PCDHA12: variants seen among roughly 807,000 people sequenced by gnomAD.
The protein encoded by PCDHA12 is protocadherin alpha-12.
In PCDHA12, 44 loss-of-function variants were observed where a neutral mutation model predicts 60.0. The ratio of observed to expected loss-of-function variants is 0.73; its 90% confidence interval spans 0.58 to 0.94. The LOEUF (loss-of-function observed/expected upper bound fraction) is 0.94. PCDHA12 is among the 40% of genes least tolerant of loss of function. The pLI, the probability that PCDHA12 is intolerant of heterozygous loss-of-function variation, is 0.00. For missense variants in PCDHA12, 1,276 were observed against 1,239.7 expected (o/e 1.03, Z -0.44); for synonymous variants, 569 against 553.0 (o/e 1.03, Z -0.40).
intron 1 of PCDHA12, among the ~76,000 whole-genome samples, chr5:140,955,283 A>G (rs1255959484): frequency 6.6e-6 from 1 of 151,774 alleles, no homozygotes; most frequent in African/African-American, 2.4e-5. Context: ...CCATATTGAT[A>G]TGGTTTGGCT....
Position 140,875,830 on chromosome 5 carries a change from G to T in PCDHA12, c.358G>T (p.Asp120Tyr). 6.2e-7 allele frequency: 1 copy of T among 1,614,226 alleles called. No homozygotes were observed. Among genetic ancestry groups the T allele is most frequent in the South Asian group, 1.1e-5 (1 of 91,078 alleles). Residue 120 changes from aspartate (D) to tyrosine (Y), a missense_variant, in exon 1 of 4, where the codon GAC becomes TAC. Coordinates refer to ENST00000398631, the MANE Select transcript of PCDHA12 (RefSeq NM_018903.4). ...CAGGCCGCTGCAGGTTTTCCATGTGGACGTGGAGGTGAAGGACATTAACGA... is the reference window on the plus strand; with the variant it reads ...CAGGCCGCTGCAGGTTTTCCATGTGTACGTGGAGGTGAAGGACATTAACGA... ...VDRPLQVFHV[D>Y]VEVKDINDNP...
intron 1 of PCDHA12, among the ~76,000 whole-genome samples, chr5:140,950,285 C>T (rs1314594266): frequency 1.3e-5 from 2 of 151,926 alleles, no homozygotes; most frequent in African/African-American, 4.8e-5. Context: ...TTTGCTTCAA[C>T]CTGAAAAACT....
At chr5:140,941,198 TCTTC>T (rs202127003) in intron 1 of PCDHA12, among the ~76,000 whole-genome samples, 9,614 of 119,776 alleles carry the variant, frequency 0.08, 511 homozygotes, top group Non-Finnish European at 0.089. Context: ...TTTTTTTCTT[TCTTC>T]CTTTCTTTCT....
chr5:140,944,463 A>C (rs2093660880), intron 1 of PCDHA12, among the ~76,000 whole-genome samples: 1 of 152,198 alleles, frequency 6.6e-6, no homozygotes, highest in Admixed American at 6.5e-5. Flanking sequence ...CTGGGATTAC[A>C]GGTATGAGGC....
intron 3 of PCDHA12, 49 bp downstream of exon 3, chr5:140,982,612 C>A (rs782489208): frequency 6.3e-7 from 1 of 1,599,358 alleles, no homozygotes; most frequent in Admixed American, 1.7e-5. Context: ...GGAAAGTGAT[C>A]AGATGACCTA....
At chr5:140,883,476 A>G (rs782692069) in intron 1 of PCDHA12, 7 of 1,614,082 alleles carry the variant, frequency 4.3e-6, no homozygotes, top group Admixed American at 3.3e-5. Flanking sequence ...ACCTACAAGA[A>G]CTACTACTCA....
Position 140,876,250 on chromosome 5 carries a change from A to C in PCDHA12, c.778A>C (p.Arg260=), listed in dbSNP as rs782111802. ...VLSENVQNDT[R]VIQLNASDPD... The stretch of plus-strand genomic sequence containing the variant: ...GTCTGAAAATGTCCAAAACGACACA[A>C]GAGTGATCCAACTAAATGCTTCCGA... The change falls in exon 1 of 4, where the codon AGA becomes CGA. Residue 260 remains arginine (R), a synonymous_variant. Transcript: ENST00000398631. 1 of 1,614,046 alleles carries C rather than the reference A, an allele frequency of 6.2e-7. No individual in the cohort carries two copies.
In PCDHA12 at chr5:140,927,984, A is replaced by G. The variant is rs112872627; in HGVS notation, c.2367+50145A>G. 5.7e-5 allele frequency: 92 copies of G among 1,614,218 alleles called. 4 individuals are homozygous for G. In the African/African-American group the frequency reaches 7.1e-4, roughly 12 times the overall value. Reference sequence around the variant, plus strand: ...GCACAGTGATTGCTCTCTTTAGTGTAAAGGATGAAGACCTCGATTCTAATG... The same window carrying G: ...GCACAGTGATTGCTCTCTTTAGTGTGAAGGATGAAGACCTCGATTCTAATG... On this transcript the variant is annotated intron_variant, in intron 1 of 3. Coordinates refer to ENST00000398631, the MANE Select transcript of PCDHA12 (RefSeq NM_018903.4).
chr5:140,927,755 C>G (rs1388061408), intron 1 of PCDHA12: 6 of 1,614,196 alleles, frequency 3.7e-6, no homozygotes, highest in Non-Finnish European at 5.1e-6. Flanking sequence ...CACGTGCACC[C>G]TAAAAGTGGG....
chr5:140,881,282 G>A, intron 1 of PCDHA12: 1 of 795,028 alleles, frequency 1.3e-6, no homozygotes, highest in Non-Finnish European at 1.5e-6. Context: ...GTAAGATGGA[G>A]AGAGAAAATG....
chr5:140,887,196 A>T (rs180902279), intron 1 of PCDHA12, among the ~76,000 whole-genome samples: 49 of 151,316 alleles, frequency 3.2e-4, no homozygotes, highest in African/African-American at 1.1e-3. Context: ...TCCCGGGTTC[A>T]CGCCATTCTC....
rs141028628 is a variant in PCDHA12 at position 140,891,378 on chromosome 5, T to A, written c.2367+13539T>A. Among the ~76,000 whole-genome samples the A allele has an allele frequency of 2.3e-4, 35 of 152,222 alleles. 1 individual carries two copies. The East Asian group carries it at 6.8e-3, about 29-fold the overall frequency. On this transcript the variant is annotated intron_variant, in intron 1 of 3. Coordinates refer to ENST00000398631, the MANE Select transcript of PCDHA12 (RefSeq NM_018903.4). ...CACCTGAGCAGTATACATTGCACCA[T>A]ATTTGCAATCTTTTATCCCTCGCCA...
chr5:140,880,821 G>A (rs1054552020), intron 1 of PCDHA12, among the ~76,000 whole-genome samples: 4 of 152,206 alleles, frequency 2.6e-5, no homozygotes, highest in African/African-American at 7.2e-5. Flanking sequence ...AGAGTGTCTG[G>A]AAGGGCATAT....
At chr5:140,965,716 C>T (rs75761543) in intron 1 of PCDHA12, among the ~76,000 whole-genome samples, 2,507 of 152,272 alleles carry the variant, frequency 0.016, 70 homozygotes, top group African/African-American at 0.056. Flanking sequence ...AGAAGAATCT[C>T]TTTAAAAATT....
At chr5:140,987,439 A>G (rs1407783928) in intron 3 of PCDHA12, among the ~76,000 whole-genome samples, 18 of 152,154 alleles carry the variant, frequency 1.2e-4, no homozygotes, top group African/African-American at 3.9e-4. Flanking sequence ...GCCTTTCCCC[A>G]TGCCCGAGAG....
Position 141,009,608 on chromosome 5 carries a change from G to A in PCDHA12, c.2516-19G>A, listed in dbSNP as rs1350951999. ...CATGTGTTGACCCTGTTAATGATTTGTAATGTTTTGTCTTTCAGAACCAGA... is the reference window on the plus strand; with the variant it reads ...CATGTGTTGACCCTGTTAATGATTTATAATGTTTTGTCTTTCAGAACCAGA... On this transcript the variant is annotated intron_variant, in intron 3 of 3. Coordinates refer to ENST00000398631, the MANE Select transcript of PCDHA12 (RefSeq NM_018903.4). The A allele has an allele frequency of 2.5e-6, 4 of 1,610,656 alleles. No individual in the cohort carries two copies. The highest frequency in any genetic ancestry group is 3.4e-6 in the Non-Finnish European group (4 of 1,177,936).
At chr5:140,928,319 A>AGAAT (rs1554205765) in intron 1 of PCDHA12, 1 of 1,614,082 alleles carries the variant, frequency 6.2e-7, no homozygotes, top group Non-Finnish European at 8.5e-7. Flanking sequence ...GACCTGGGGA[A>AGAAT]GAATGGCCTT....
intron 1 of PCDHA12, among the ~76,000 whole-genome samples, chr5:140,922,795 G>C (rs1393016233): frequency 7.9e-5 from 12 of 152,152 alleles, no homozygotes; most frequent in African/African-American, 2.9e-4. Context: ...TGTAGCTTTG[G>C]AATACAGAAA....
chr5:140,900,912 A>AGAT (rs553485999), intron 1 of PCDHA12, among the ~76,000 whole-genome samples: 1 of 152,198 alleles, frequency 6.6e-6, no homozygotes, highest in Non-Finnish European at 1.5e-5. Context: ...AACTGTGGTA[A>AGAT]GATGATATCT....
Sources: gnomAD v4.1 joint callset for allele counts (sites outside exome capture counted in the v4.1 genomes callset) on GRCh38, gnomAD v4.1.1 for gene constraint, MANE v1.5 for transcripts, NCBI Gene and HGNC (gene_info 2026-07-23, HGNC 2026-07-21) for gene names.